GFOD2: variants seen among roughly 807,000 people sequenced by gnomAD.
GFOD2 encodes the protein Gfo/Idh/MocA-like oxidoreductase domain containing 2.
Under a neutral mutation model 24.6 loss-of-function variants are expected in GFOD2, and 9 were observed. That is an observed-to-expected ratio of 0.37 (90% CI 0.22 to 0.64). The LOEUF (loss-of-function observed/expected upper bound fraction) is 0.64. GFOD2 is among the 30% of genes least tolerant of loss of function. The pLI is 0.65. For synonymous variants in GFOD2, 211 were observed against 224.8 expected (o/e 0.94, Z 0.55); for missense variants, 476 against 532.5 (o/e 0.89, Z 1.04).
intron 1 of GFOD2, among the ~76,000 whole-genome samples, chr16:67,713,981 T>C (rs1262675612): frequency 1.3e-5 from 2 of 152,014 alleles, no homozygotes. Flanking sequence ...CAAAAGCAAC[T>C]GCGGTTTTTG....
intron 2 of GFOD2, chr16:67,683,595 C>T: frequency 1.6e-6 from 2 of 1,231,744 alleles, no homozygotes. Context: ...CTGGAAGAAA[C>T]AAACAATAAG....
intron 1 of GFOD2, among the ~76,000 whole-genome samples, chr16:67,716,242 A>T (rs1334235003): frequency 6.6e-6 from 1 of 152,224 alleles, no homozygotes; most frequent in Non-Finnish European, 1.5e-5. Flanking sequence ...TTGCTGGTTT[A>T]TCTGGTAGGG....
intron 1 of GFOD2, among the ~76,000 whole-genome samples, chr16:67,705,420 C>T (rs530894231): frequency 1.3e-5 from 2 of 152,134 alleles, no homozygotes; most frequent in Non-Finnish European, 2.9e-5. Context: ...GTTGGCCACG[C>T]TGGTCTTGAA....
At chr16:67,702,430 T>C (rs914303433) in intron 1 of GFOD2, among the ~76,000 whole-genome samples, 5 of 151,256 alleles carry the variant, frequency 3.3e-5, no homozygotes, top group African/African-American at 1.2e-4. Context: ...ACAGAGATCA[T>C]GTCACTGCAC....
chr16:67,682,614 A>G (rs967653436), intron 2 of GFOD2: 2 of 985,328 alleles, frequency 2.0e-6, no homozygotes, highest in African/African-American at 3.5e-5. Flanking sequence ...AGAAAACAAG[A>G]TGCCATAAAA....
Position 67,674,793 on chromosome 16 carries a change from A to G in GFOD2, c.*362T>C. 9.4e-6 allele frequency: 2 copies of G among 211,696 alleles called. No homozygotes were observed. The highest frequency in any genetic ancestry group is 1.1e-4 in the East Asian group (1 of 9,040). The allele number at this position is 211,696 out of a possible 1,614,324, so 13.1% of individuals were successfully genotyped here. A position where few individuals can be genotyped will look rare whatever the true frequency, so the allele number is the denominator to read the frequency against. On this transcript the variant is annotated 3_prime_UTR_variant, in exon 3 of 3. Coordinates refer to ENST00000268797, the MANE Select transcript of GFOD2 (RefSeq NM_030819.4). Reference sequence around the variant, plus strand: ...ACAAAACTTCTCATCATTTCTCCTCAGGCCTCAGCCGAGCTGGCCCCTCTT... The same window carrying G: ...ACAAAACTTCTCATCATTTCTCCTCGGGCCTCAGCCGAGCTGGCCCCTCTT...
intron 2 of GFOD2, chr16:67,680,741 A>AAATT: frequency 1.0e-6 from 1 of 974,104 alleles, no homozygotes; most frequent in Non-Finnish European, 1.2e-6. Context: ...CAATCTCTTC[A>AAATT]ATTTATTTAT....
intron 1 of GFOD2, among the ~76,000 whole-genome samples, chr16:67,702,592 ATTTTTTTT>A (rs561204882): frequency 4.8e-5 from 5 of 104,716 alleles, no homozygotes; most frequent in Admixed American, 4.7e-4. Flanking sequence ...GGTAGCCAGG[ATTTTTTTT>A]TTTTTTTTTT....
chr16:67,687,077 G>A (rs1044108227), intron 1 of GFOD2, among the ~76,000 whole-genome samples: 2 of 151,230 alleles, frequency 1.3e-5, no homozygotes, highest in Non-Finnish European at 2.9e-5. Context: ...GAACCTGGGA[G>A]GTGAAAGTTG....
At position 67,685,493 on chromosome 16, in the gene GFOD2, G is replaced by T. The variant is rs774375730; in HGVS notation, c.223C>A (p.Pro75Thr). The T allele has an allele frequency of 3.7e-6, 6 of 1,614,056 alleles. No homozygotes were observed. Among genetic ancestry groups the T allele is most frequent in the Middle Eastern group, 1.6e-4 (1 of 6,084 alleles). ...DVDLVCISIP[P>T]PLTRQISVKA... ...ACGGATATCTGCCGGGTGAGTGGAG[G>T]GGGGATGCTGATGCACACCAGATCC... Residue 75 changes from proline to threonine, a missense_variant, in exon 2 of 3, where the codon CCT becomes ACT. Physicochemically the swap from Pro to Thr is conservative, Grantham distance 38. Transcript: ENST00000268797.
chr16:67,697,260 A>C (rs2053365497), intron 1 of GFOD2, among the ~76,000 whole-genome samples: 1 of 152,152 alleles, frequency 6.6e-6, no homozygotes. Context: ...TCTACCTCAC[A>C]GGGGATTTAA....
rs371418821 is a variant in GFOD2 at position 67,685,691 on chromosome 16, C to T, written c.25G>A (p.Val9Met). The T allele has an allele frequency of 1.3e-5, 21 of 1,612,830 alleles. No individual in the cohort carries two copies. The highest frequency in any genetic ancestry group is 2.2e-5 in the South Asian group (2 of 91,084). Residue 9 changes from valine (V) to methionine (M), a missense_variant, in exon 2 of 3, where the codon GTG (valine) becomes ATG (methionine). Val to Met is a conservative substitution (Grantham distance 21). Coordinates refer to ENST00000268797, the MANE Select transcript of GFOD2 (RefSeq NM_030819.4). MKMLPGVG[V>M]FGTGSSARVL... ...CGGGCGGAGCTGCCAGTCCCAAACACGCCCACTCCTGGCAGCATCTTCATC... is the reference window on the plus strand; with the variant it reads ...CGGGCGGAGCTGCCAGTCCCAAACATGCCCACTCCTGGCAGCATCTTCATC...
chr16:67,702,884 C>A (rs890468797), intron 1 of GFOD2, among the ~76,000 whole-genome samples: 5 of 151,976 alleles, frequency 3.3e-5, no homozygotes, highest in African/African-American at 4.8e-5. Flanking sequence ...AGGAGTAAGA[C>A]ACTGCGCCCG....
chr16:67,690,214 TAA>T (rs1000387703), intron 1 of GFOD2, among the ~76,000 whole-genome samples: 25 of 152,140 alleles, frequency 1.6e-4, no homozygotes, highest in Admixed American at 6.5e-5. Flanking sequence ...CGGGTCATGG[TAA>T]TTAGATTTTT....
chr16:67,676,162 A>G, intron 2 of GFOD2, 109 bp from the exon 3 acceptor site: 1 of 1,107,954 alleles, frequency 9.0e-7, no homozygotes, highest in South Asian at 1.7e-5. Context: ...GCACGAACTA[A>G]TTTTTTTTTC....
At chr16:67,683,843 G>A in intron 2 of GFOD2, 1 of 1,210,642 alleles carries the variant, frequency 8.3e-7, no homozygotes, top group East Asian at 3.4e-5. Flanking sequence ...ATCTTCGGCT[G>A]CATCAAGGAG....
intron 1 of GFOD2, among the ~76,000 whole-genome samples, chr16:67,705,855 A>ACTTGAACCTGGG (rs1489801083): frequency 6.6e-6 from 1 of 150,690 alleles, no homozygotes; most frequent in African/African-American, 2.4e-5. Flanking sequence ...CACGAGAATC[A>ACTTGAACCTGGG]CTTGAACCTG....
chr16:67,718,812 C>A lies in GFOD2; in HGVS notation c.-88+351G>T, dbSNP rs148749656. 5.6e-3 allele frequency among the ~76,000 whole-genome samples: 854 copies of A among 152,348 alleles called. 7 individuals carry two copies. The highest frequency in any genetic ancestry group is 0.019 in the African/African-American group (797 of 41,580). On this transcript the variant is annotated intron_variant, in intron 1 of 2. Transcript: ENST00000268797. ...ACCTCACACATCCTCATCCACAAAG[C>A]GTCCATCCTCACACAGTCAGGTGGT...
intron 1 of GFOD2, among the ~76,000 whole-genome samples, chr16:67,691,665 C>T (rs2142994981): frequency 6.6e-6 from 1 of 152,236 alleles, no homozygotes; most frequent in Non-Finnish European, 1.5e-5. Flanking sequence ...CCCAGGAGCT[C>T]CTCCCTCTGC....
Sources: allele counts gnomAD v4.1 joint callset (sites outside exome capture counted in the v4.1 genomes callset), GRCh38; gene constraint gnomAD v4.1.1; transcripts MANE v1.5; gene names NCBI Gene and HGNC (gene_info 2026-07-23, HGNC 2026-07-21).